ANO4: variants seen among roughly 807,000 people sequenced by gnomAD.
The protein encoded by ANO4 is anoctamin-4.
In ANO4, 69 loss-of-function variants were observed where a neutral mutation model predicts 141.9. The ratio of observed to expected loss-of-function variants is 0.49; its 90% confidence interval spans 0.40 to 0.59. The LOEUF (loss-of-function observed/expected upper bound fraction) is 0.59. Ranked by LOEUF, ANO4 falls within the 20% of genes least tolerant of loss-of-function variation. ANO4 has a pLI of 0.00. For synonymous variants in ANO4, 350 were observed against 394.3 expected, an observed-to-expected ratio of 0.89 and a Z score of 1.33; for missense variants, 894 against 1,162.2, an observed-to-expected ratio of 0.77 and a Z score of 3.36.
intron 2 of ANO4, among the ~76,000 whole-genome samples, chr12:100,908,603 T>C (rs571580395): frequency 6.6e-6 from 1 of 152,210 alleles, no homozygotes; most frequent in African/African-American, 2.4e-5. Flanking sequence ...TTCTCTTTAT[T>C]TTTAGTGTAC....
chr12:101,018,090 C>T (rs532035441), intron 8 of ANO4, among the ~76,000 whole-genome samples: 1 of 152,308 alleles, frequency 6.6e-6, no homozygotes, highest in African/African-American at 2.4e-5. Flanking sequence ...TGCTTCTCAG[C>T]TTTCAGTTAT....
intron 1 of ANO4, among the ~76,000 whole-genome samples, chr12:100,897,956 G>A (rs569163231): frequency 1.3e-5 from 2 of 152,296 alleles, no homozygotes; most frequent in African/African-American, 4.8e-5. Context: ...ACCACTGCAG[G>A]CTTAAAACAA....
chr12:101,127,905 C>T lies in ANO4; in HGVS notation c.*49C>T, dbSNP rs550209532. The stretch of plus-strand genomic sequence containing the variant: ...CCAAGGACCTGAATTCTGTTTACTT[C>T]TTCTGGCTGTGCAAAAGCACACTCA... On this transcript the variant is annotated 3_prime_UTR_variant, in exon 28 of 28. Coordinates refer to ENST00000392977, the MANE Select transcript of ANO4 (RefSeq NM_001286615.2). 1 of 152,716 alleles carries T rather than the reference C, an allele frequency of 6.5e-6. No homozygotes were observed. Among genetic ancestry groups the T allele is most frequent in the East Asian group, 1.9e-4 (1 of 5,190 alleles). The allele number at this position is 152,716 out of a possible 1,614,324, so 9.5% of individuals were successfully genotyped here. A position where few individuals can be genotyped will look rare whatever the true frequency, so the allele number is the denominator to read the frequency against.
chr12:100,981,452 AAGGAAGG>A lies in ANO4; in HGVS notation c.603-6085_603-6079del, dbSNP rs2044456464. ...AAGAAAAGGAGGGAAGGAAGGAAGG[AAGGAAGG>A]AAGAAAGGAAGGGAGGGAGGGAGGA... On this transcript the variant is annotated intron_variant, in intron 7 of 27. Transcript: ENST00000392977. 6.6e-5 allele frequency among the ~76,000 whole-genome samples: 10 copies of A among 151,996 alleles called. No homozygotes were observed. In the South Asian group the frequency reaches 1.9e-3, roughly 29 times the overall value.
At chr12:101,088,760 C>T (rs896179837) in intron 17 of ANO4, among the ~76,000 whole-genome samples, 4 of 151,710 alleles carry the variant, frequency 2.6e-5, no homozygotes, top group African/African-American at 9.7e-5. Context: ...CCAGGTGGCA[C>T]ACCTGTAGTC....
chr12:100,747,129 G>A (rs1190162245), intron 3 of ANO4, among the ~76,000 whole-genome samples: 2 of 152,090 alleles, frequency 1.3e-5, no homozygotes, highest in Admixed American at 6.6e-5. Flanking sequence ...GTTTGCAGGC[G>A]AAATCACCCC....
chr12:100,917,121 T>C (rs938435541), intron 2 of ANO4, among the ~76,000 whole-genome samples: 7 of 152,222 alleles, frequency 4.6e-5, no homozygotes, highest in African/African-American at 1.7e-4. Context: ...GTATAACTTC[T>C]GTCCATAAAA....
chr12:101,112,915 A>G (rs1315426209), intron 24 of ANO4, among the ~76,000 whole-genome samples: 2 of 152,218 alleles, frequency 1.3e-5, no homozygotes, highest in South Asian at 2.1e-4. Flanking sequence ...ATGTAAAGAC[A>G]TGTTATTTTG....
At chr12:101,068,942 T>C in intron 14 of ANO4, 2 of 796,404 alleles carry the variant, frequency 2.5e-6, no homozygotes, top group African/African-American at 1.7e-5. Context: ...GCTAAGGATC[T>C]CTTACACAGA....
At position 101,097,935 on chromosome 12, in the gene ANO4, C is replaced by T. The variant is rs1371431876; in HGVS notation, c.1996C>T (p.Leu666Phe). The T allele has an allele frequency of 3.1e-6, 5 of 1,613,342 alleles. No individual in the cohort carries two copies. The highest frequency in any genetic ancestry group is 4.2e-6 in the Non-Finnish European group (5 of 1,179,508). Residue 666 changes from leucine to phenylalanine, a missense_variant, in exon 21 of 28, where the codon CTT (leucine) becomes TTT (phenylalanine). Leu to Phe is a conservative substitution (Grantham distance 22). Around this residue, in one of 2 missense-constraint regions of ANO4, gnomAD observed 637 missense variants for 909.2 expected, o/e 0.70. Transcript: ENST00000392977. ...GCAGACCTGGAATAATTTCATGGAA[C>T]TTGGCTACCCGTAAGTACCTTAGTA... ...LKQTWNNFME[L>F]GYPLIQNWWT...
At chr12:101,090,896 G>A (rs573859316) in intron 17 of ANO4, among the ~76,000 whole-genome samples, 4 of 152,078 alleles carry the variant, frequency 2.6e-5, no homozygotes, top group Non-Finnish European at 5.9e-5. Flanking sequence ...TCAAGACACA[G>A]CCTAGATAAG....
chr12:100,932,838 A>G (rs891005784), intron 3 of ANO4, among the ~76,000 whole-genome samples: 1 of 152,084 alleles, frequency 6.6e-6, no homozygotes, highest in African/African-American at 2.4e-5. Flanking sequence ...CTCCCAGGCA[A>G]TTTAAGGTCC....
rs149316794 is a variant in ANO4 at position 100,968,496 on chromosome 12, C to A, written c.457-2810C>A. Among the ~76,000 whole-genome samples the A allele has an allele frequency of 1.2e-3, 181 of 151,766 alleles. 2 individuals carry two copies. The highest frequency in any genetic ancestry group is 3.7e-3 in the African/African-American group (155 of 41,402). ...TTCCATATAGTGTCTTCGGTGTTGCCCAATTTTACTCTTTCTCTCATAGGA... is the reference window on the plus strand; with the variant it reads ...TTCCATATAGTGTCTTCGGTGTTGCACAATTTTACTCTTTCTCTCATAGGA... On this transcript the variant is annotated intron_variant, in intron 5 of 27. Transcript: ENST00000392977.
intron 1 of ANO4, chr12:100,717,639 G>C: frequency 2.5e-6 from 1 of 397,984 alleles, no homozygotes; most frequent in Admixed American, 4.4e-5. Context: ...TTCGGGGTTC[G>C]CCTCTGCGGA....
At chr12:100,799,220 A>G (rs530328989) in intron 1 of ANO4, among the ~76,000 whole-genome samples, 1 of 152,294 alleles carries the variant, frequency 6.6e-6, no homozygotes, top group South Asian at 2.1e-4. Context: ...TCTATTTGCT[A>G]CTAGATGAAC....
chr12:101,076,669 A>G (rs2049037416), intron 14 of ANO4, among the ~76,000 whole-genome samples: 1 of 152,192 alleles, frequency 6.6e-6, no homozygotes, highest in South Asian at 2.1e-4. Context: ...TGTGAATCCT[A>G]TGGCCTGAGG....
chr12:100,922,640 G>C (rs1013781853), intron 3 of ANO4, among the ~76,000 whole-genome samples: 1 of 151,884 alleles, frequency 6.6e-6, no homozygotes, highest in African/African-American at 2.4e-5. Flanking sequence ...TAGATTTCTT[G>C]ATTAATCATA....
At chr12:101,089,284 T>G (rs916574931) in intron 17 of ANO4, among the ~76,000 whole-genome samples, 2 of 152,094 alleles carry the variant, frequency 1.3e-5, no homozygotes, top group Non-Finnish European at 2.9e-5. Context: ...TAAATGCAGG[T>G]AGCTCATTAT....
At chr12:100,768,405 C>T (rs898856629) in intron 3 of ANO4, among the ~76,000 whole-genome samples, 4 of 152,180 alleles carry the variant, frequency 2.6e-5, no homozygotes, top group Non-Finnish European at 5.9e-5. Context: ...GATTCCTTGA[C>T]TCTTGTGAAG....
Sources: gnomAD v4.1 joint callset for allele counts (sites outside exome capture counted in the v4.1 genomes callset) on GRCh38, gnomAD v4.1.1 for gene constraint, gnomAD v4.1.1 regional missense constraint, MANE v1.5 for transcripts, NCBI Gene and HGNC (gene_info 2026-07-23, HGNC 2026-07-21) for gene names.